The following MAGI3 variants were observed in gnomAD, a reference collection of about 807,000 sequenced individuals.
MAGI3 encodes the protein membrane associated guanylate kinase, WW and PDZ domain containing 3.
MAGI3 carries 43 observed loss-of-function variants against 121.8 expected under a neutral mutation model. The ratio of observed to expected loss-of-function variants is 0.35; its 90% confidence interval spans 0.28 to 0.46. The LOEUF is 0.46. MAGI3 is among the 20% of genes least tolerant of loss of function. The pLI, the probability that MAGI3 is intolerant of heterozygous loss-of-function variation, is 1.00. For missense variants in MAGI3, 1,547 were observed against 1,797.3 expected (o/e 0.86, Z 2.52); for synonymous variants, 553 against 639.3 (o/e 0.86, Z 2.04).
chr1:113,605,834 G>A (rs184806332), intron 6 of MAGI3, among the ~76,000 whole-genome samples: 9 of 152,022 alleles, frequency 5.9e-5, no homozygotes, highest in East Asian at 1.9e-4. Flanking sequence ...TCCTGACCTC[G>A]TGATCCGCCT....
intron 16 of MAGI3, among the ~76,000 whole-genome samples, chr1:113,664,211 A>G (rs968097910): frequency 6.6e-6 from 1 of 152,106 alleles, no homozygotes; most frequent in Non-Finnish European, 1.5e-5. Context: ...TAATTCCTCT[A>G]TTTACAGGGG....
chr1:113,504,513 A>G (rs1402679353), intron 1 of MAGI3, among the ~76,000 whole-genome samples: 5 of 152,100 alleles, frequency 3.3e-5, no homozygotes, highest in South Asian at 4.1e-4. Context: ...CCAAACTATC[A>G]TTTTACATGC....
Position 113,491,717 on chromosome 1 carries a change from C to A in MAGI3, c.317-57798C>A, listed in dbSNP as rs144382448. On this transcript the variant is annotated intron_variant, in intron 1 of 20. Coordinates refer to ENST00000307546, the MANE Select transcript of MAGI3 (RefSeq NM_001142782.2). ...AGTGACCCCATGAAAATATAAATAA[C>A]CATCAGAGAATATTATGAACACCTC... Among the ~76,000 whole-genome samples the A allele has an allele frequency of 4.1e-3, 625 of 152,128 alleles. 4 individuals are homozygous for A. Among genetic ancestry groups the A allele is most frequent in the African/African-American group, 0.014 (584 of 41,522 alleles).
intron 1 of MAGI3, among the ~76,000 whole-genome samples, chr1:113,420,190 A>T (rs910762898): frequency 1.3e-5 from 2 of 152,188 alleles, no homozygotes; most frequent in Admixed American, 6.5e-5. Flanking sequence ...ACCTCTTCCC[A>T]GAATTGTTGT....
At chr1:113,483,104 C>CATGCAGAT (rs1656192088) in intron 1 of MAGI3, among the ~76,000 whole-genome samples, 1 of 152,214 alleles carries the variant, frequency 6.6e-6, no homozygotes, top group African/African-American at 2.4e-5. Context: ...CCAATGTACC[C>CATGCAGAT]ATGCAGATCC....
chr1:113,525,285 G>A (rs921664404), intron 1 of MAGI3, among the ~76,000 whole-genome samples: 18 of 151,874 alleles, frequency 1.2e-4, no homozygotes, highest in East Asian at 5.8e-4. Context: ...GTTTAAAAAC[G>A]TCTAGGAACT....
rs745743220 is a variant in MAGI3 at position 113,391,120 on chromosome 1, C to CGGCGCGGAGATCCGCGGT, written c.97_114dup (p.Ile33_Glu38dup). 7.6e-6 allele frequency: 12 copies of CGGCGCGGAGATCCGCGGT among 1,575,924 alleles called. No individual in the cohort carries two copies. Among genetic ancestry groups the CGGCGCGGAGATCCGCGGT allele is most frequent in the Middle Eastern group, 1.8e-4 (1 of 5,432 alleles). ...CCTGGGCCGGGCCCCCGGGCGACTT[C>CGGCGCGGAGATCCGCGGT]GGCGCGGAGATCCGCGGTGGCGCGG... is the stretch of plus-strand genomic sequence containing the variant. On this transcript the variant is annotated inframe_insertion, in exon 1 of 21. Transcript: ENST00000307546. This position sits in a 1 kb window ranked among gnomAD's most constrained non-coding sequence, Gnocchi z 4.4.
intron 4 of MAGI3, among the ~76,000 whole-genome samples, chr1:113,587,481 C>T (rs2101730627): frequency 6.6e-6 from 1 of 152,322 alleles, no homozygotes; most frequent in South Asian, 2.1e-4. Context: ...CAGGCGTGAG[C>T]CACCGTGCCC....
intron 19 of MAGI3, among the ~76,000 whole-genome samples, chr1:113,675,160 G>C (rs1429731124): frequency 6.6e-6 from 1 of 152,216 alleles, no homozygotes. Flanking sequence ...GCAATCTGCT[G>C]ATAAAAATCT....
At chr1:113,554,579 A>G (rs1476921703) in intron 2 of MAGI3, among the ~76,000 whole-genome samples, 1 of 152,080 alleles carries the variant, frequency 6.6e-6, no homozygotes, top group Non-Finnish European at 1.5e-5. Context: ...TGGACGAGGA[A>G]TATGTAACAG....
rs543753437 is a variant in MAGI3, at chr1:113,478,178, T to A, written c.317-71337T>A. Among the ~76,000 whole-genome samples the A allele has an allele frequency of 1.6e-3, 246 of 152,324 alleles. 1 individual carries two copies. The highest frequency in any genetic ancestry group is 5.6e-3 in the African/African-American group (232 of 41,572). On this transcript the variant is annotated intron_variant, in intron 1 of 20. Transcript: ENST00000307546. ...TTCCTTGTGATGGGTTCGAACAACC[T>A]CCTTTAGCTTGGAGAAGTTTGTTAT...
chr1:113,592,561 G>A (rs918462863), intron 5 of MAGI3, among the ~76,000 whole-genome samples: 1 of 152,048 alleles, frequency 6.6e-6, no homozygotes, highest in East Asian at 1.9e-4. Flanking sequence ...GTGGCTCCTA[G>A]GCCCCTGAGT....
At chr1:113,560,213 G>T (rs1472140688) in intron 2 of MAGI3, among the ~76,000 whole-genome samples, 1 of 151,936 alleles carries the variant, frequency 6.6e-6, no homozygotes, top group Non-Finnish European at 1.5e-5. Context: ...TCAAGATTAA[G>T]AAATTCACTC....
chr1:113,399,633 T>C (rs1172876494), intron 1 of MAGI3, among the ~76,000 whole-genome samples: 3 of 152,136 alleles, frequency 2.0e-5, no homozygotes, highest in South Asian at 2.1e-4. Flanking sequence ...CTTTAAAAAA[T>C]TGAAATACTG....
intron 1 of MAGI3, among the ~76,000 whole-genome samples, chr1:113,440,308 G>C (rs1462527594): frequency 6.6e-6 from 1 of 152,100 alleles, no homozygotes. Context: ...GCTTACAGTG[G>C]CTTAGCAAAA....
chr1:113,611,126 G>A (rs1570939254), intron 6 of MAGI3, among the ~76,000 whole-genome samples: 1 of 131,414 alleles, frequency 7.6e-6, no homozygotes, highest in South Asian at 2.4e-4. Context: ...TCACACTGTT[G>A]CCCAGGCTGG....
At chr1:113,468,711 A>G (rs1360625282) in intron 1 of MAGI3, among the ~76,000 whole-genome samples, 1 of 152,196 alleles carries the variant, frequency 6.6e-6, no homozygotes, top group Non-Finnish European at 1.5e-5. Flanking sequence ...TTGATTACCC[A>G]TTGCAATGAT....
intron 1 of MAGI3, among the ~76,000 whole-genome samples, chr1:113,421,055 T>A (rs1035301555): frequency 1.3e-5 from 2 of 152,162 alleles, no homozygotes; most frequent in African/African-American, 4.8e-5. Context: ...TTGAAAGGTA[T>A]TTTTGCTGAA....
At chr1:113,588,655 A>G (rs1648525247) in intron 4 of MAGI3, among the ~76,000 whole-genome samples, 1 of 152,164 alleles carries the variant, frequency 6.6e-6, no homozygotes, top group Admixed American at 6.5e-5. Context: ...TGAATGTGCA[A>G]GGAAGAAAGT....
Sources: allele counts gnomAD v4.1 joint callset (sites outside exome capture counted in the v4.1 genomes callset), GRCh38; gene constraint gnomAD v4.1.1; non-coding constraint Gnocchi (gnomAD v3.1); transcripts MANE v1.5; gene names NCBI Gene and HGNC (gene_info 2026-07-23, HGNC 2026-07-21).